FILIP1L: variants seen among roughly 807,000 people sequenced by gnomAD.
The protein encoded by FILIP1L is filamin A interacting protein 1 like, also known as filamin A-interacting protein 1-like.
A neutral mutation model predicts 96.6 loss-of-function variants in FILIP1L; 55 were observed. The ratio of observed to expected loss-of-function variants is 0.57; its 90% CI spans 0.46 to 0.71. The LOEUF is 0.71. Among genes scored for constraint, FILIP1L ranks in the 30% least tolerant of loss-of-function variants. The pLI, the probability that FILIP1L is intolerant of heterozygous loss-of-function variation, is 0.00. For missense variants in FILIP1L, 1,304 were observed against 1,321.2 expected, an observed-to-expected ratio of 0.99 and a Z score of 0.20; for synonymous variants, 467 against 473.9, an observed-to-expected ratio of 0.99 and a Z score of 0.19.
intron 4 of FILIP1L, among the ~76,000 whole-genome samples, chr3:99,896,103 G>GA (rs923066942): frequency 1.3e-4 from 19 of 147,050 alleles, no homozygotes; most frequent in East Asian, 3.9e-4. Context: ...TAAACTTTTA[G>GA]AAAAAAAAAA....
intron 1 of FILIP1L, among the ~76,000 whole-genome samples, chr3:100,107,388 C>T (rs559185065): frequency 6.6e-6 from 1 of 152,076 alleles, no homozygotes; most frequent in Non-Finnish European, 1.5e-5. Flanking sequence ...GCATTATAGC[C>T]TCTTCTGACA....
At chr3:100,031,511 C>G (rs1401323789) in intron 1 of FILIP1L, among the ~76,000 whole-genome samples, 1 of 152,088 alleles carries the variant, frequency 6.6e-6, no homozygotes, top group Non-Finnish European at 1.5e-5. Context: ...CAGAGCGCAA[C>G]AAGGAAGAAG....
intron 1 of FILIP1L, among the ~76,000 whole-genome samples, chr3:100,074,226 CT>C (rs1182797004): frequency 6.6e-6 from 1 of 152,238 alleles, no homozygotes; most frequent in Non-Finnish European, 1.5e-5. Context: ...GACAGCCCCC[CT>C]GGGCCTCCAG....
At chr3:99,898,840 T>G (rs975808462) in intron 4 of FILIP1L, 2 of 152,140 alleles carry the variant, frequency 1.3e-5, no homozygotes, top group Non-Finnish European at 2.9e-5. Context: ...TTAATAAGGC[T>G]TGAACTATTA....
In FILIP1L at chr3:99,983,385, AATAAATATATATATATATATAT is replaced by A. The variant is rs1559713299; in HGVS notation, c.-10-52377_-10-52356del. Among the ~76,000 whole-genome samples the A allele has an allele frequency of 4.8e-4, 40 of 84,060 alleles. 1 individual carries two copies. Among genetic ancestry groups the A allele is most frequent in the Non-Finnish European group, 3.6e-4 (17 of 46,858 alleles). The allele number at this position is 84,060 out of a possible 152,430, so 55.1% of individuals were successfully genotyped here. A position where few individuals can be genotyped will look rare whatever the true frequency, so the allele number is the denominator to read the frequency against. ...CCTGTCTCTACTTAAAAAATAAATA[AATAAATATATATATATATATAT>A]ATATATATATATGTATGTATGTATG... On this transcript the variant is annotated intron_variant, in intron 1 of 5. Transcript: ENST00000477258.
rs1942641708 is a variant in FILIP1L, at chr3:99,830,623, AACAAAAGGTAATTAATGGT to A, written c.3382-37_3382-19del. 1 of 456,292 alleles carries A rather than the reference AACAAAAGGTAATTAATGGT, an allele frequency of 2.2e-6. No homozygotes were observed. The highest frequency in any genetic ancestry group is 4.4e-6 in the Non-Finnish European group (1 of 226,818). The allele number at this position is 456,292 out of a possible 1,614,324, so 28.3% of individuals were successfully genotyped here. On this transcript the variant is annotated intron_variant, in intron 5 of 5. Transcript: ENST00000477258. ...TCCTTGATCTTGAATTAAACAAGAG[AACAAAAGGTAATTAATGGT>A]ACAGTTGGTGGAGAAGTAGAAATTG...
At chr3:99,875,731 A>G (rs1705478270) in intron 4 of FILIP1L, among the ~76,000 whole-genome samples, 1 of 152,186 alleles carries the variant, frequency 6.6e-6, no homozygotes, top group African/African-American at 2.4e-5. Context: ...GGGTTGCTGC[A>G]GTACAATATA....
intron 3 of FILIP1L, among the ~76,000 whole-genome samples, chr3:99,928,259 A>G (rs1707360024): frequency 6.6e-6 from 1 of 152,162 alleles, no homozygotes; most frequent in African/African-American, 2.4e-5. Flanking sequence ...CCTCTCACCT[A>G]GTACTTCCTA....
chr3:99,924,508 G>T (rs950008454), intron 3 of FILIP1L, 100 bp from the exon 4 acceptor site: 49 of 1,220,086 alleles, frequency 4.0e-5, no homozygotes, highest in Non-Finnish European at 5.4e-5. Context: ...TCGGCAGTGG[G>T]TTTTTTTGGT....
chr3:99,969,832 T>C (rs1338780089), intron 1 of FILIP1L, among the ~76,000 whole-genome samples: 1 of 152,212 alleles, frequency 6.6e-6, no homozygotes, highest in East Asian at 1.9e-4. Context: ...AAGTCACTCA[T>C]TGTCACAAAG....
At chr3:100,027,869 T>G (rs2107251070) in intron 1 of FILIP1L, among the ~76,000 whole-genome samples, 1 of 152,192 alleles carries the variant, frequency 6.6e-6, no homozygotes, top group South Asian at 2.1e-4. Context: ...AGAGAACAAG[T>G]GAAACTAGAG....
chr3:99,876,651 A>T (rs1034444324), intron 4 of FILIP1L, among the ~76,000 whole-genome samples: 15 of 152,190 alleles, frequency 9.9e-5, no homozygotes, highest in African/African-American at 3.6e-4. Flanking sequence ...TTAGACTTCA[A>T]ACCTTCTCTT....
At chr3:99,929,492 G>A (rs1707403295) in intron 3 of FILIP1L, among the ~76,000 whole-genome samples, 1 of 151,824 alleles carries the variant, frequency 6.6e-6, no homozygotes, top group African/African-American at 2.4e-5. Flanking sequence ...ATTACAGCCT[G>A]GGTACCCTGC....
chr3:99,844,180 C>A (rs917540261), intron 5 of FILIP1L, among the ~76,000 whole-genome samples: 2 of 152,148 alleles, frequency 1.3e-5, no homozygotes, highest in African/African-American at 2.4e-5. Flanking sequence ...AGAAAAAGAT[C>A]AAAATTTGAA....
In FILIP1L at chr3:99,903,882, C is replaced by T. The variant is rs188727403; in HGVS notation, c.605+20348G>A. On this transcript the variant is annotated intron_variant, in intron 4 of 5. Coordinates refer to ENST00000477258, the MANE Select transcript of FILIP1L (RefSeq NM_001387850.1). ...ATAGAGCTGTCGTCCCCTGCTGCTT[C>T]ATTTAATGGTACTCATTTGTCCTAA... Among the ~76,000 whole-genome samples, 578 of 152,282 alleles carry T rather than the reference C, an allele frequency of 3.8e-3. 3 individuals are homozygous for T. Among genetic ancestry groups the T allele is most frequent in the African/African-American group, 0.013 (550 of 41,556 alleles).
At chr3:100,076,952 G>A (rs946646640) in intron 1 of FILIP1L, among the ~76,000 whole-genome samples, 1 of 152,210 alleles carries the variant, frequency 6.6e-6, no homozygotes, top group Non-Finnish European at 1.5e-5. Flanking sequence ...TGCAAGAGAT[G>A]TCTCTTCCCA....
At chr3:99,973,659 G>A (rs1165130826) in intron 1 of FILIP1L, among the ~76,000 whole-genome samples, 3 of 152,120 alleles carry the variant, frequency 2.0e-5, no homozygotes, top group East Asian at 1.9e-4. Flanking sequence ...AACCACTTCT[G>A]TAAGAAGAAT....
intron 4 of FILIP1L, among the ~76,000 whole-genome samples, chr3:99,852,569 C>T (rs1052252057): frequency 2.0e-5 from 3 of 152,028 alleles, no homozygotes; most frequent in Non-Finnish European, 4.4e-5. Flanking sequence ...TCTCAGCCTC[C>T]CGAGTAGCTG....
intron 4 of FILIP1L, among the ~76,000 whole-genome samples, chr3:99,920,320 G>C (rs919016467): frequency 6.6e-6 from 1 of 152,062 alleles, no homozygotes; most frequent in African/African-American, 2.4e-5. Flanking sequence ...AAATATGCAA[G>C]CTTTTTTGAA....
Sources: allele counts gnomAD v4.1 joint callset (sites outside exome capture counted in the v4.1 genomes callset), GRCh38; gene constraint gnomAD v4.1.1; transcripts MANE v1.5; gene names NCBI Gene and HGNC (gene_info 2026-07-23, HGNC 2026-07-21).